FRAS1: variants seen among roughly 807,000 people sequenced by gnomAD.
The protein encoded by FRAS1 is Fraser extracellular matrix complex subunit 1.
Under a neutral mutation model 435.2 loss-of-function variants are expected in FRAS1, and 290 were observed. The ratio of observed to expected loss-of-function variants is 0.67; its 90% CI spans 0.61 to 0.73. The LOEUF is 0.73. Among genes scored for constraint, FRAS1 ranks in the 30% least tolerant of loss-of-function variants. The pLI is 0.00. For synonymous variants in FRAS1, 1,800 were observed against 1,851.0 expected (o/e 0.97, Z 0.71); for missense variants, 4,860 against 5,001.5 (o/e 0.97, Z 0.85).
At chr4:78,325,467 G>T (rs1315339524) in intron 18 of FRAS1, among the ~76,000 whole-genome samples, 1 of 152,198 alleles carries the variant, frequency 6.6e-6, no homozygotes, top group African/African-American at 2.4e-5. Flanking sequence ...TATGAAGTTG[G>T]AATTCTCTTG....
chr4:78,530,012 G>A (rs923130083), intron 70 of FRAS1, among the ~76,000 whole-genome samples: 3 of 152,002 alleles, frequency 2.0e-5, no homozygotes, highest in African/African-American at 4.8e-5. Context: ...TTTTAACTCA[G>A]TGAATCATTT....
intron 14 of FRAS1, among the ~76,000 whole-genome samples, chr4:78,294,611 T>C (rs2110198684): frequency 6.6e-6 from 1 of 152,326 alleles, no homozygotes; most frequent in Non-Finnish European, 1.5e-5. Flanking sequence ...GCCAAAGCCT[T>C]CATTGGCTGG....
At chr4:78,448,429 G>T in intron 44 of FRAS1, 113 bp downstream of exon 44, 1 of 981,726 alleles carries the variant, frequency 1.0e-6, no homozygotes, top group Non-Finnish European at 1.5e-6. Flanking sequence ...TAAAGTACCT[G>T]TTCCATACTT....
intron 44 of FRAS1, among the ~76,000 whole-genome samples, chr4:78,448,585 G>A (rs2109833668): frequency 6.6e-6 from 1 of 152,200 alleles, no homozygotes; most frequent in South Asian, 2.1e-4. Context: ...TATTTCCAGG[G>A]CCCTCAAAAA....
intron 71 of FRAS1, among the ~76,000 whole-genome samples, chr4:78,535,101 G>C (rs887485650): frequency 6.6e-6 from 1 of 152,074 alleles, no homozygotes; most frequent in African/African-American, 2.4e-5. Context: ...ATGTATTCTG[G>C]CACTTTTTTC....
chr4:78,425,975 A>AAG (rs1733984800), intron 35 of FRAS1, among the ~76,000 whole-genome samples: 1 of 152,144 alleles, frequency 6.6e-6, no homozygotes, highest in African/African-American at 2.4e-5. Context: ...TTGTAGTCTC[A>AAG]ACTACTCAGA....
At chr4:78,080,878 A>T (rs1740864208) in intron 2 of FRAS1, among the ~76,000 whole-genome samples, 1 of 152,216 alleles carries the variant, frequency 6.6e-6, no homozygotes, top group Non-Finnish European at 1.5e-5. Context: ...CGTCTTACTG[A>T]ATCAGACTTG....
At chr4:78,106,292 G>C (rs1179868452) in intron 2 of FRAS1, among the ~76,000 whole-genome samples, 1 of 83,838 alleles carries the variant, frequency 1.2e-5, no homozygotes, top group East Asian at 2.6e-4. Flanking sequence ...ACCTCTGGGG[G>C]CAGGGCACAG....
chr4:78,539,575 T>C, intron 73 of FRAS1, 135 bp downstream of exon 73: 1 of 914,112 alleles, frequency 1.1e-6, no homozygotes, highest in Non-Finnish European at 1.7e-6. Flanking sequence ...GATCTTTTCT[T>C]ATTGTTAAGC....
Position 78,057,564 on chromosome 4 carries a change from CAAG to C in FRAS1, c.-445_-443del. The C allele has an allele frequency of 6.1e-6, 1 of 163,854 alleles. No homozygotes were observed. Among genetic ancestry groups the C allele is most frequent in the Non-Finnish European group, 1.3e-5 (1 of 75,930 alleles). 10.2% of individuals were successfully genotyped at this position (163,854 alleles called of 1,614,324 possible). The stretch of plus-strand genomic sequence containing the variant: ...CCGACGCAACGCCGACGTATGGTGC[CAAG>C]CGAACTTTAAAAAGCTGCTTCGGAC... On this transcript the variant is annotated 5_prime_UTR_variant, in exon 1 of 74. Transcript: ENST00000512123. The surrounding 1 kb of genome is among the most constrained non-coding windows in gnomAD (Gnocchi z 4.2).
chr4:78,375,281 C>T (rs1319612939), intron 25 of FRAS1, among the ~76,000 whole-genome samples: 1 of 152,148 alleles, frequency 6.6e-6, no homozygotes, highest in Non-Finnish European at 1.5e-5. Context: ...GCACTGTTTT[C>T]GTCATTGCAC....
intron 2 of FRAS1, among the ~76,000 whole-genome samples, chr4:78,182,486 C>G (rs1190445748): frequency 1.3e-5 from 2 of 152,136 alleles, no homozygotes; most frequent in Admixed American, 1.3e-4. Flanking sequence ...TGCTATTCAG[C>G]AAAGCAGAGT....
chr4:78,065,914 A>G, intron 1 of FRAS1, 71 bp from the exon 2 acceptor site: 1 of 1,162,284 alleles, frequency 8.6e-7, no homozygotes, highest in South Asian at 1.3e-5. Flanking sequence ...TTTTAGCAGC[A>G]AGCTTGCTGG....
At chr4:78,334,586 G>GATC (rs1376351009) in intron 19 of FRAS1, among the ~76,000 whole-genome samples, 2 of 151,366 alleles carry the variant, frequency 1.3e-5, no homozygotes, top group African/African-American at 4.9e-5. Flanking sequence ...GATCAGGCTG[G>GATC]TCGTGATCTC....
chr4:78,315,844 A>G, intron 16 of FRAS1, 110 bp downstream of exon 16: 1 of 1,181,066 alleles, frequency 8.5e-7, no homozygotes, highest in Non-Finnish European at 1.2e-6. Flanking sequence ...ATGGGAAAGC[A>G]TAACTTTAAA....
intron 20 of FRAS1, among the ~76,000 whole-genome samples, chr4:78,347,338 G>A (rs1347788868): frequency 6.6e-6 from 1 of 152,168 alleles, no homozygotes; most frequent in Non-Finnish European, 1.5e-5. Context: ...TTCTGCTAGA[G>A]GGTCTTCCTC....
In FRAS1 at chr4:78,537,148, A is replaced by G; in HGVS notation, c.11246A>G (p.Gln3749Arg). The stretch of plus-strand genomic sequence containing the variant: ...GGGACAATCTACAATGAAGGGCCCC[A>G]GTATGGATGCATTCAGCCAAACAAA... ...PTGTIYNEGPQYGCIQPNKHL... is the reference protein window; with the variant it reads ...PTGTIYNEGPRYGCIQPNKHL... The change falls in exon 72 of 74, where the codon CAG (glutamine) becomes CGG (arginine). Residue 3749 changes from glutamine (Q) to arginine (R), a missense_variant. Transcript: ENST00000512123. The G allele has an allele frequency of 3.7e-6, 6 of 1,614,058 alleles. No homozygotes were observed. The highest frequency in any genetic ancestry group is 5.1e-6 in the Non-Finnish European group (6 of 1,179,900).
chr4:78,541,002 G>C lies in FRAS1; in HGVS notation c.11917G>C (p.Val3973Leu), dbSNP rs1233694980. ...EKNVNRHYCT[V>L]RNVNILSEPE... is the part of the protein sequence containing the mutation. ...GAACGTGAATAGACACTACTGCACT[G>C]TGCGGAACGTCAACATCCTGAGTGA... The change falls in exon 74 of 74, where the codon GTG becomes CTG. Residue 3973 changes from valine (V) to leucine (L), a missense_variant. Physicochemically the swap from Val to Leu is conservative, Grantham distance 32. Transcript: ENST00000512123. 5 of 1,561,750 alleles carry C rather than the reference G, an allele frequency of 3.2e-6. No homozygotes were observed. The highest frequency in any genetic ancestry group is 4.5e-5 in the East Asian group (2 of 44,072).
chr4:78,195,319 G>A (rs1270558375), intron 2 of FRAS1, among the ~76,000 whole-genome samples: 3 of 152,220 alleles, frequency 2.0e-5, no homozygotes, highest in African/African-American at 7.2e-5. Flanking sequence ...GGACATTTAA[G>A]TCTGCAGAGG....
Sources: allele counts gnomAD v4.1 joint callset (sites outside exome capture counted in the v4.1 genomes callset), GRCh38; gene constraint gnomAD v4.1.1; non-coding constraint Gnocchi (gnomAD v3.1); transcripts MANE v1.5; gene names NCBI Gene and HGNC (gene_info 2026-07-23, HGNC 2026-07-21).